The following ADCY1 variants were observed in gnomAD, a reference collection of about 807,000 sequenced individuals.
The protein encoded by ADCY1 is adenylate cyclase type 1.
In ADCY1, 28 loss-of-function variants were observed where a neutral mutation model predicts 105.4. That is an observed-to-expected ratio of 0.27 (90% CI 0.20 to 0.36). The LOEUF (loss-of-function observed/expected upper bound fraction) is 0.36, where lower values mean the gene tolerates loss of function less well. Among genes scored for constraint, ADCY1 ranks in the 10% least tolerant of loss-of-function variants. ADCY1 has a pLI of 1.00. For missense variants in ADCY1, 977 were observed against 1,434.2 expected (o/e 0.68, Z 5.15); for synonymous variants, 655 against 623.8 (o/e 1.05, Z -0.75).
intron 12 of ADCY1, 89 bp from the exon 13 acceptor site, chr7:45,685,873 C>T: frequency 6.7e-7 from 1 of 1,488,324 alleles, no homozygotes; most frequent in South Asian, 1.3e-5. Flanking sequence ...CCTTGGGAGA[C>T]CTGCTTGAAG....
chr7:45,674,802 A>G (rs1174899120), intron 8 of ADCY1, among the ~76,000 whole-genome samples: 1 of 152,152 alleles, frequency 6.6e-6, no homozygotes, highest in Non-Finnish European at 1.5e-5. Flanking sequence ...GTCTCTCTCT[A>G]TCCCTGGTAA....
chr7:45,722,638 T>C lies in ADCY1; in HGVS notation c.*8643T>C, dbSNP rs550860506. The C allele has an allele frequency of 6.6e-6, 1 of 152,360 alleles. No homozygotes were observed. Among genetic ancestry groups the C allele is most frequent in the South Asian group, 2.1e-4 (1 of 4,816 alleles). 9.4% of individuals were successfully genotyped at this position (152,360 alleles called of 1,614,324 possible). A position where few individuals can be genotyped will look rare whatever the true frequency, so the allele number is the denominator to read the frequency against. ...TTTAAGGTAAGCCCAAAGCCCACTT[T>C]TGGATTTTCTCGACTGTCCGAGAAA... On this transcript the variant is annotated 3_prime_UTR_variant, in exon 20 of 20. Transcript: ENST00000297323.
At chr7:45,579,363 C>T (rs551694790) in intron 1 of ADCY1, among the ~76,000 whole-genome samples, 13 of 152,266 alleles carry the variant, frequency 8.5e-5, no homozygotes. Flanking sequence ...CTGCTGGCCC[C>T]TCCTCTGGCT....
chr7:45,690,629 C>T (rs1704873532), intron 14 of ADCY1, among the ~76,000 whole-genome samples: 1 of 152,210 alleles, frequency 6.6e-6, no homozygotes, highest in African/African-American at 2.4e-5. Flanking sequence ...ACTGCAGATA[C>T]AGCACATACC....
Position 45,686,081 on chromosome 7 carries a change from G to T in ADCY1, c.2193G>T (p.Leu731=). ...TLPCESTHHA[L]LCCLVGTLPL... is the part of the protein sequence containing the mutation. ...CCTGCGAGTCTACACACCATGCCCT[G>T]CTCTGCTGCCTGGTGGGCACCCTCC... Residue 731 remains leucine, a synonymous_variant, in exon 13 of 20, where the codon CTG becomes CTT. Coordinates refer to ENST00000297323, the MANE Select transcript of ADCY1 (RefSeq NM_021116.4). The surrounding 1 kb of genome is among the most constrained non-coding windows in gnomAD (Gnocchi z 4.3). 3 of 1,614,122 alleles carry T rather than the reference G, an allele frequency of 1.9e-6. No individual in the cohort carries two copies. In the East Asian group the frequency reaches 6.7e-5, roughly 36 times the overall value.
intron 6 of ADCY1, among the ~76,000 whole-genome samples, chr7:45,658,502 G>A (rs1477945511): frequency 6.6e-6 from 1 of 152,168 alleles, no homozygotes; most frequent in African/African-American, 2.4e-5. Flanking sequence ...TGGCTATCAT[G>A]GCAGGCAGCT....
chr7:45,603,172 A>G (rs1793285597), intron 2 of ADCY1, among the ~76,000 whole-genome samples: 1 of 152,186 alleles, frequency 6.6e-6, no homozygotes, highest in Non-Finnish European at 1.5e-5. Flanking sequence ...ATAATATTCC[A>G]CTGTATGGAT....
At position 45,647,136 on chromosome 7, in the gene ADCY1, G is replaced by T. The variant is rs968495114; in HGVS notation, c.1021-1534G>T. ...GGCCATCTCTCAAGGTCCCTGCAACGCCAGGCCTGAGGGCAGCTCAGGACA... is the reference window on the plus strand; with the variant it reads ...GGCCATCTCTCAAGGTCCCTGCAACTCCAGGCCTGAGGGCAGCTCAGGACA... On this transcript the variant is annotated intron_variant, in intron 4 of 19. Coordinates refer to ENST00000297323, the MANE Select transcript of ADCY1 (RefSeq NM_021116.4). The surrounding 1 kb of genome is among the most constrained non-coding windows in gnomAD (Gnocchi z 4.6). 1.3e-5 allele frequency among the ~76,000 whole-genome samples: 2 copies of T among 152,226 alleles called. No individual in the cohort carries two copies. Among genetic ancestry groups the T allele is most frequent in the African/African-American group, 2.4e-5 (1 of 41,452 alleles).
chr7:45,700,112 C>T (rs145302888), intron 14 of ADCY1, among the ~76,000 whole-genome samples: 1 of 152,282 alleles, frequency 6.6e-6, no homozygotes, highest in African/African-American at 2.4e-5. Context: ...CGGGGAGACT[C>T]ACTGGGTCAG....
chr7:45,635,598 CTTGTTTTTTTT>C lies in ADCY1; in HGVS notation c.1020+12858_1020+12868del, dbSNP rs1305845270. 2.9e-4 allele frequency among the ~76,000 whole-genome samples: 9 copies of C among 31,450 alleles called. 1 individual carries two copies. The highest frequency in any genetic ancestry group is 1.7e-3 in the Admixed American group (6 of 3,594). The allele number at this position is 31,450 out of a possible 152,430, so 20.6% of individuals were successfully genotyped here. ...CTGTTCAAAATACTTTCTAATTTCT[CTTGTTTTTTTT>C]TTTTTTTTTTTTTTTTTTTTCCAGA... On this transcript the variant is annotated intron_variant, in intron 4 of 19. Transcript: ENST00000297323.
chr7:45,678,619 C>T (rs892259723), intron 10 of ADCY1, among the ~76,000 whole-genome samples: 1 of 151,774 alleles, frequency 6.6e-6, no homozygotes. Flanking sequence ...GTGGCTCATA[C>T]CTGTAACCCC....
At chr7:45,609,847 T>C (rs942591547) in intron 2 of ADCY1, among the ~76,000 whole-genome samples, 2 of 152,078 alleles carry the variant, frequency 1.3e-5, no homozygotes, top group African/African-American at 4.8e-5. Flanking sequence ...TTTATTCTTT[T>C]CTCTTGGGGG....
In ADCY1 at chr7:45,686,240, A is replaced by G. The variant is rs757925835; in HGVS notation, c.2327+25A>G. On this transcript the variant is annotated intron_variant, in intron 13 of 19. Transcript: ENST00000297323. The surrounding 1 kb of genome is among the most constrained non-coding windows in gnomAD (Gnocchi z 4.3). ...GGTAAGTGTGTGGCTCCTCAAGAAAAAGGCCTAAGCAGCGGTGCTACTGAA... is the reference window on the plus strand; with the variant it reads ...GGTAAGTGTGTGGCTCCTCAAGAAAGAGGCCTAAGCAGCGGTGCTACTGAA... 1 of 1,607,032 alleles carries G rather than the reference A, an allele frequency of 6.2e-7. No homozygotes were observed. The highest frequency in any genetic ancestry group is 1.3e-5 in the African/African-American group (1 of 74,834).
intron 5 of ADCY1, among the ~76,000 whole-genome samples, chr7:45,656,391 T>G (rs1220391245): frequency 6.6e-6 from 1 of 152,232 alleles, no homozygotes; most frequent in Non-Finnish European, 1.5e-5. Context: ...AATGTAAATC[T>G]GTGGCATGCA....
rs1470158716 is a variant in ADCY1 at position 45,647,584 on chromosome 7, C to T, written c.1021-1086C>T. On this transcript the variant is annotated intron_variant, in intron 4 of 19. Coordinates refer to ENST00000297323, the MANE Select transcript of ADCY1 (RefSeq NM_021116.4). The surrounding 1 kb of genome is among the most constrained non-coding windows in gnomAD (Gnocchi z 4.6). The stretch of plus-strand genomic sequence containing the variant: ...GCACTGTGCTTGTGTGAGGCTGGTT[C>T]CTTCACGGGCATCTGCAGAGATAGC... Among the ~76,000 whole-genome samples the T allele has an allele frequency of 6.6e-6, 1 of 152,164 alleles. No individual in the cohort carries two copies. The highest frequency in any genetic ancestry group is 1.5e-5 in the Non-Finnish European group (1 of 68,034).
chr7:45,684,094 C>T lies in ADCY1; in HGVS notation c.1984-885C>T, dbSNP rs78398235. 6.1e-3 allele frequency among the ~76,000 whole-genome samples: 927 copies of T among 152,328 alleles called. 14 individuals are homozygous for T. Among genetic ancestry groups the T allele is most frequent in the African/African-American group, 0.021 (883 of 41,570 alleles). On this transcript the variant is annotated intron_variant, in intron 11 of 19. Transcript: ENST00000297323. ...TCAGTAAAGTGTTTGAGCCTCACACCGCTGCAGAGCAGCGGTTCTTCTGAG... is the reference window on the plus strand; with the variant it reads ...TCAGTAAAGTGTTTGAGCCTCACACTGCTGCAGAGCAGCGGTTCTTCTGAG...
intron 1 of ADCY1, among the ~76,000 whole-genome samples, chr7:45,585,612 C>A (rs1792700229): frequency 6.6e-6 from 1 of 152,042 alleles, no homozygotes; most frequent in African/African-American, 2.4e-5. Flanking sequence ...CCACGCCCGG[C>A]TAATTTTGTA....
chr7:45,625,545 G>A (rs967164583), intron 4 of ADCY1, among the ~76,000 whole-genome samples: 20 of 152,130 alleles, frequency 1.3e-4, no homozygotes, highest in African/African-American at 4.6e-4. Flanking sequence ...GTACATGAGT[G>A]AGCCTGTGTG....
At chr7:45,661,252 GA>G (rs1795095554) in intron 7 of ADCY1, among the ~76,000 whole-genome samples, 2 of 152,134 alleles carry the variant, frequency 1.3e-5, no homozygotes, top group South Asian at 4.1e-4. Flanking sequence ...AGAGAAGTTT[GA>G]ATAGCGGGAG....
Sources: allele counts gnomAD v4.1 joint callset (sites outside exome capture counted in the v4.1 genomes callset), GRCh38; gene constraint gnomAD v4.1.1; non-coding constraint Gnocchi (gnomAD v3.1); transcripts MANE v1.5; gene names NCBI Gene and HGNC (gene_info 2026-07-23, HGNC 2026-07-21).